Variants in ARMH3 observed in about 807,000 individuals in gnomAD.
ARMH3 encodes armadillo-like helical domain-containing protein 3.
In ARMH3, 60 loss-of-function variants were observed where a neutral mutation model predicts 99.1. That is an observed-to-expected ratio of 0.61 (90% CI 0.49 to 0.75). The LOEUF (loss-of-function observed/expected upper bound fraction) is 0.75, where lower values mean the gene tolerates loss of function less well. Ranked by LOEUF, ARMH3 falls within the 30% of genes least tolerant of loss-of-function variation. The pLI is 0.00. For missense variants in ARMH3, 679 were observed against 843.1 expected (o/e 0.81, Z 2.41); for synonymous variants, 285 against 292.8 (o/e 0.97, Z 0.27).
rs142608242 is a variant in ARMH3, at chr10:101,917,253, C to T, written c.1781+22610G>A. Among the ~76,000 whole-genome samples the T allele has an allele frequency of 7.2e-5, 11 of 152,342 alleles. No homozygotes were observed. The South Asian group carries it at 1.7e-3, about 23-fold the overall frequency. ...AAGTTCCCCTGTGCCCATTTGTAAT[C>T]AACCTCTCCTTCCAACCCCAGCCTC... On this transcript the variant is annotated intron_variant, in intron 23 of 25. Transcript: ENST00000370033.
At chr10:102,011,111 A>C (rs1476691358) in intron 11 of ARMH3, among the ~76,000 whole-genome samples, 2 of 152,218 alleles carry the variant, frequency 1.3e-5, no homozygotes, top group Non-Finnish European at 2.9e-5. Flanking sequence ...GTCCCAGATT[A>C]TCTGGTACCA....
At chr10:102,037,188 T>C (rs1486393596) in intron 2 of ARMH3, among the ~76,000 whole-genome samples, 1 of 150,566 alleles carries the variant, frequency 6.6e-6, no homozygotes, top group Non-Finnish European at 1.5e-5. Context: ...GTTTTCTTTT[T>C]TTTTTTTTTT....
At chr10:101,983,706 A>C (rs1286498172) in intron 19 of ARMH3, among the ~76,000 whole-genome samples, 1 of 151,896 alleles carries the variant, frequency 6.6e-6, no homozygotes, top group Non-Finnish European at 1.5e-5. Context: ...GCACACCCCA[A>C]CTCCATGGGG....
chr10:101,954,768 T>C (rs1464888125), intron 22 of ARMH3, among the ~76,000 whole-genome samples: 1 of 152,194 alleles, frequency 6.6e-6, no homozygotes, highest in Non-Finnish European at 1.5e-5. Context: ...CACTGAAACA[T>C]GCTATCTCCT....
chr10:102,041,838 C>T (rs557927607), intron 1 of ARMH3, among the ~76,000 whole-genome samples: 10 of 152,014 alleles, frequency 6.6e-5, no homozygotes, highest in African/African-American at 1.9e-4. Flanking sequence ...TTAGTAGAGA[C>T]GGGGTTTCAC....
intron 20 of ARMH3, among the ~76,000 whole-genome samples, chr10:101,959,494 A>G (rs1845185118): frequency 6.6e-6 from 1 of 152,204 alleles, no homozygotes; most frequent in South Asian, 2.1e-4. Flanking sequence ...CATCCCATCA[A>G]CAAGGGCTTT....
At chr10:101,904,992 C>A (rs1356956041) in intron 23 of ARMH3, among the ~76,000 whole-genome samples, 6 of 151,446 alleles carry the variant, frequency 4.0e-5, no homozygotes, top group African/African-American at 1.5e-4. Context: ...CAACTCAGTT[C>A]ATCACTGAGA....
chr10:101,905,954 T>C (rs1427260935), intron 23 of ARMH3, among the ~76,000 whole-genome samples: 1 of 152,234 alleles, frequency 6.6e-6, no homozygotes, highest in Non-Finnish European at 1.5e-5. Context: ...AGAGTGTTTA[T>C]CCTTTTACTA....
At chr10:101,937,866 ATTTG>A (rs1384670280) in intron 23 of ARMH3, among the ~76,000 whole-genome samples, 2 of 151,940 alleles carry the variant, frequency 1.3e-5, no homozygotes, top group South Asian at 2.1e-4. Flanking sequence ...AAGAAAACTG[ATTTG>A]TTTGTTTTGA....
intron 20 of ARMH3, among the ~76,000 whole-genome samples, chr10:101,959,330 C>A (rs1307864110): frequency 6.6e-6 from 1 of 152,210 alleles, no homozygotes; most frequent in African/African-American, 2.4e-5. Context: ...CTGCCCACCC[C>A]ACCACCTAAT....
rs2068038451 is a variant in ARMH3 at position 101,903,924 on chromosome 10, C to A, written c.1782-14434G>T. Among the ~76,000 whole-genome samples the A allele has an allele frequency of 2.0e-5, 3 of 152,196 alleles. No individual in the cohort carries two copies. In the South Asian group the frequency reaches 6.2e-4, roughly 32 times the overall value. ...CCAGGGCAGGTTCTCTACCTCTTCT[C>A]CCCTAAACTAACTGTAAACACAAAG... On this transcript the variant is annotated intron_variant, in intron 23 of 25. Transcript: ENST00000370033.
rs558990745 is a variant in ARMH3 at position 101,922,276 on chromosome 10, T to A, written c.1781+17587A>T. Among the ~76,000 whole-genome samples, 7 of 152,336 alleles carry A rather than the reference T, an allele frequency of 4.6e-5. No individual in the cohort carries two copies. In the South Asian group the frequency reaches 1.4e-3, roughly 32 times the overall value. On this transcript the variant is annotated intron_variant, in intron 23 of 25. Transcript: ENST00000370033. ...TTGTTTTTCTGAGAAAGAGTCTTAC[T>A]CTGTCACCCAGGCTGGAGTGCAGTG...
chr10:101,917,919 C>A (rs1339516514), intron 23 of ARMH3, among the ~76,000 whole-genome samples: 1 of 152,156 alleles, frequency 6.6e-6, no homozygotes, highest in Non-Finnish European at 1.5e-5. Flanking sequence ...CACCCCAGCC[C>A]CCACACTGGC....
chr10:101,854,895 C>G (rs1267864827), intron 24 of ARMH3, among the ~76,000 whole-genome samples: 1 of 150,410 alleles, frequency 6.6e-6, no homozygotes, highest in Non-Finnish European at 1.5e-5. Flanking sequence ...AATCAATAGT[C>G]AATAATGGTT....
chr10:101,987,674 T>C (rs1471288067), intron 19 of ARMH3, among the ~76,000 whole-genome samples: 1 of 152,222 alleles, frequency 6.6e-6, no homozygotes, highest in Non-Finnish European at 1.5e-5. Context: ...GCTTCCATCC[T>C]GGGCTCTCGC....
intron 22 of ARMH3, among the ~76,000 whole-genome samples, chr10:101,952,212 T>C (rs532563610): frequency 1.3e-5 from 2 of 152,312 alleles, no homozygotes; most frequent in East Asian, 1.9e-4. Context: ...CAGCAAACAC[T>C]ACCTTAACCA....
At chr10:101,867,711 G>C (rs2067036288) in intron 24 of ARMH3, among the ~76,000 whole-genome samples, 1 of 151,750 alleles carries the variant, frequency 6.6e-6, no homozygotes, top group African/African-American at 2.4e-5. Context: ...GCATGCCTGT[G>C]GTCCCAGCTA....
At chr10:101,970,469 T>C (rs1590107282) in intron 20 of ARMH3, among the ~76,000 whole-genome samples, 1 of 152,158 alleles carries the variant, frequency 6.6e-6, no homozygotes, top group East Asian at 1.9e-4. Flanking sequence ...TTAATGAAAA[T>C]CTTACATATC....
In ARMH3 at chr10:101,956,696, T is replaced by C; in HGVS notation, c.1606A>G (p.Thr536Ala). The part of the protein sequence containing the change: ...MIVNLFNMFI[T>A]YGDTFLPTPS... ...GTTGGCAGAAATGTGTCGCCATATG[T>C]GATAAACATATTAAATAGGTTCACA... The change falls in exon 22 of 26, where the codon ACA becomes GCA. Residue 536 changes from threonine (T) to alanine (A), a missense_variant. Around this residue, in one of 3 missense-constraint regions of ARMH3, gnomAD observed 389 missense variants for 456.5 expected, o/e 0.85. Coordinates refer to ENST00000370033, the MANE Select transcript of ARMH3 (RefSeq NM_024541.3). The C allele has an allele frequency of 6.2e-7, 1 of 1,613,442 alleles. No individual in the cohort carries two copies. Among genetic ancestry groups the C allele is most frequent in the Non-Finnish European group, 8.5e-7 (1 of 1,179,530 alleles).
Sources: gnomAD v4.1 joint callset for allele counts (sites outside exome capture counted in the v4.1 genomes callset) on GRCh38, gnomAD v4.1.1 for gene constraint, gnomAD v4.1.1 regional missense constraint, MANE v1.5 for transcripts, NCBI Gene and HGNC (gene_info 2026-07-23, HGNC 2026-07-21) for gene names.